DMD: variants seen among roughly 807,000 people sequenced by gnomAD.
DMD encodes dystrophin.
Under a neutral mutation model 330.1 loss-of-function variants are expected in DMD, and 63 were observed. The ratio of observed to expected loss-of-function variants is 0.19; its 90% confidence interval spans 0.16 to 0.24. The LOEUF is 0.24. Ranked by LOEUF, DMD falls within the 10% of genes least tolerant of loss-of-function variation. The probability of loss-of-function intolerance (pLI) is 1.00; values close to 1 mark genes in which losing one functional copy is unlikely to be tolerated. For missense variants in DMD, 3,344 were observed against 2,684.1 expected (o/e 1.25, Z -5.43); for synonymous variants, 1,223 against 959.8 (o/e 1.27, Z -5.07).
chrX:32,614,867 T>C (rs1422887174), intron 11 of DMD, among the ~76,000 whole-genome samples: 1 of 110,577 alleles, frequency 9.0e-6, no homozygotes, highest in Non-Finnish European at 1.9e-5. Context: ...GAATATGATC[T>C]GGACTTGTGT....
intron 63 of DMD, among the ~76,000 whole-genome samples, chrX:31,254,096 G>A (rs1300900248): frequency 8.9e-6 from 1 of 111,915 alleles, no homozygotes; most frequent in Admixed American, 9.5e-5. Context: ...AAGGAAATTG[G>A]AATAAGTAAC....
At chrX:32,060,058 T>A (rs997215785) in intron 44 of DMD, among the ~76,000 whole-genome samples, 1 of 110,784 alleles carries the variant, frequency 9.0e-6, no homozygotes, top group African/African-American at 3.3e-5. Context: ...GAAGTTGACC[T>A]GTCTGCTCGA....
At chrX:31,665,475 T>C (rs1285286699) in intron 53 of DMD, among the ~76,000 whole-genome samples, 1 of 111,663 alleles carries the variant, frequency 9.0e-6, no homozygotes, top group Non-Finnish European at 1.9e-5. Context: ...AATGTTAAAA[T>C]AGCTGTAAGA....
At chrX:31,369,842 TA>T (rs1237003622) in intron 60 of DMD, among the ~76,000 whole-genome samples, 1 of 111,506 alleles carries the variant, frequency 9.0e-6, no homozygotes, top group African/African-American at 3.3e-5. Context: ...ATACTTTATA[TA>T]AAAATCAAAT....
intron 60 of DMD, among the ~76,000 whole-genome samples, chrX:31,380,265 C>T (rs902863775): frequency 1.8e-5 from 2 of 110,545 alleles, no homozygotes; most frequent in Admixed American, 9.7e-5. Context: ...CCTATTAGGC[C>T]GAGACACTTT....
chrX:31,284,608 T>TTCTTCTTCTTCTTCTTCTTCTTC (rs1331247957), intron 62 of DMD, among the ~76,000 whole-genome samples: 3 of 28,064 alleles, frequency 1.1e-4, no homozygotes, highest in East Asian at 1.2e-3. Flanking sequence ...TCTTCTTCTT[T>TTCTTCTTCTTCTTCTTCTTCTTC]TTTTTGGCAG....
intron 2 of DMD, among the ~76,000 whole-genome samples, chrX:32,883,180 A>G (rs113795545): frequency 0.016 from 1,759 of 112,142 alleles, 30 homozygotes; most frequent in East Asian, 0.065. Flanking sequence ...AAAGGAACCC[A>G]AGGAAATCAG....
At chrX:32,625,035 G>A (rs1327377960) in intron 11 of DMD, among the ~76,000 whole-genome samples, 1 of 111,869 alleles carries the variant, frequency 8.9e-6, no homozygotes, top group Non-Finnish European at 1.9e-5. Context: ...GCCGGGAGTG[G>A]TGGCACATGC....
In DMD at chrX:31,228,983, G is replaced by A. The variant is rs188267135; in HGVS notation, c.9287-5862C>T. Among the ~76,000 whole-genome samples, 328 of 112,532 alleles carry A rather than the reference G, an allele frequency of 2.9e-3. 2 individuals are homozygous for A. Among genetic ancestry groups the A allele is most frequent in the African/African-American group, 9.9e-3 (306 of 30,983 alleles). On this transcript the variant is annotated intron_variant, in intron 63 of 78. Transcript: ENST00000357033. Reference sequence around the variant, plus strand: ...TCAAGTTGAATTTCCAACTACTGAAGTGATAGGCCATTCATCTTTTATTTT... The same window carrying A: ...TCAAGTTGAATTTCCAACTACTGAAATGATAGGCCATTCATCTTTTATTTT...
At chrX:31,312,127 G>A (rs1272221790) in intron 62 of DMD, among the ~76,000 whole-genome samples, 1 of 112,209 alleles carries the variant, frequency 8.9e-6, no homozygotes, top group East Asian at 2.8e-4. Flanking sequence ...AAACTAAAGA[G>A]CTTCTGCACA....
At chrX:32,859,507 ACAC>A (rs1434556746) in intron 2 of DMD, among the ~76,000 whole-genome samples, 1 of 93,465 alleles carries the variant, frequency 1.1e-5, no homozygotes, top group Non-Finnish European at 2.0e-5. Flanking sequence ...ACACACACAC[ACAC>A]AAGTTAAAGT....
intron 11 of DMD, among the ~76,000 whole-genome samples, chrX:32,633,713 C>T (rs2058900672): frequency 8.9e-6 from 1 of 111,820 alleles, no homozygotes; most frequent in Non-Finnish European, 1.9e-5. Context: ...ATGATGCTGG[C>T]ATCTGCTCAG....
intron 1 of DMD, among the ~76,000 whole-genome samples, chrX:33,243,050 CTGTT>C (rs2052612272): frequency 8.9e-6 from 1 of 111,814 alleles, no homozygotes; most frequent in Admixed American, 9.5e-5. Context: ...TGTGTGTTGT[CTGTT>C]TGTTTACTCT....
intron 18 of DMD, among the ~76,000 whole-genome samples, chrX:32,506,643 C>A (rs1323692254): frequency 9.0e-6 from 1 of 111,597 alleles, no homozygotes; most frequent in East Asian, 2.8e-4. Flanking sequence ...TCAGTTTTGT[C>A]TAATTAGTTA....
chrX:31,292,142 T>C (rs1380817721), intron 62 of DMD, among the ~76,000 whole-genome samples: 1 of 110,029 alleles, frequency 9.1e-6, no homozygotes, highest in Non-Finnish European at 1.9e-5. Flanking sequence ...GAACTATCAA[T>C]CAAAAAAACA....
chrX:32,565,159 T>C (rs945930761), intron 16 of DMD, among the ~76,000 whole-genome samples: 19 of 111,463 alleles, frequency 1.7e-4, no homozygotes, highest in Non-Finnish European at 3.2e-4. Context: ...TATGTGTTAG[T>C]ATAACTAAGC....
At chrX:32,363,104 A>C in intron 36 of DMD, 146 bp from the exon 37 acceptor site, 1 of 565,140 alleles carries the variant, frequency 1.8e-6, no homozygotes, top group African/African-American at 2.3e-5. Flanking sequence ...GAGAGCAAGC[A>C]CATGCAGAAA....
intron 21 of DMD, among the ~76,000 whole-genome samples, chrX:32,482,952 T>C (rs923380014): frequency 1.9e-5 from 2 of 107,738 alleles, no homozygotes; most frequent in African/African-American, 6.7e-5. Context: ...TCAGTATGGA[T>C]GCCTAGGCAC....
intron 54 of DMD, among the ~76,000 whole-genome samples, chrX:31,633,265 T>C (rs1319980373): frequency 8.9e-6 from 1 of 112,033 alleles, no homozygotes; most frequent in Non-Finnish European, 1.9e-5. Context: ...TATCATCACT[T>C]CATAAGATAT....
Sources: allele counts gnomAD v4.1 joint callset (sites outside exome capture counted in the v4.1 genomes callset), GRCh38; gene constraint gnomAD v4.1.1; transcripts MANE v1.5; gene names NCBI Gene and HGNC (gene_info 2026-07-23, HGNC 2026-07-21).